The following CNTNAP4 variants were observed in gnomAD, a reference collection of about 807,000 sequenced individuals.
CNTNAP4 encodes the protein contactin associated protein family member 4.
A neutral mutation model predicts 148.4 loss-of-function variants in CNTNAP4; 98 were observed. That is an observed-to-expected ratio of 0.66 (90% CI 0.56 to 0.78). The LOEUF is 0.78. Ranked by LOEUF, CNTNAP4 falls within the 30% of genes least tolerant of loss-of-function variation. The probability of loss-of-function intolerance (pLI) is 0.00; values close to 1 mark genes in which losing one functional copy is unlikely to be tolerated. For synonymous variants in CNTNAP4, 730 were observed against 565.1 expected (o/e 1.29, Z -4.14); for missense variants, 1,935 against 1,565.6 (o/e 1.24, Z -3.98).
chr16:76,461,820 G>A (rs1398183117), intron 8 of CNTNAP4, 136 bp from the exon 9 acceptor site: 5 of 665,254 alleles, frequency 7.5e-6, no homozygotes, highest in Non-Finnish European at 1.2e-5. Flanking sequence ...CCCTTTCCTT[G>A]TTGATGTCAT....
intron 21 of CNTNAP4, among the ~76,000 whole-genome samples, chr16:76,550,309 C>G (rs1470699295): frequency 1.3e-5 from 2 of 152,120 alleles, no homozygotes; most frequent in Non-Finnish European, 2.9e-5. Flanking sequence ...ATGTAAAATA[C>G]TCAAACATCC....
intron 15 of CNTNAP4, among the ~76,000 whole-genome samples, chr16:76,501,117 C>T (rs1358772962): frequency 6.6e-6 from 1 of 152,198 alleles, no homozygotes; most frequent in African/African-American, 2.4e-5. Flanking sequence ...CCATTATACT[C>T]ACCATCTCTG....
Position 76,393,197 on chromosome 16 carries a change from C to G in CNTNAP4, c.391-34255C>G, listed in dbSNP as rs372893085. On this transcript the variant is annotated intron_variant, in intron 3 of 23. Coordinates refer to ENST00000611870, the MANE Select transcript of CNTNAP4 (RefSeq NM_033401.5). ...TTATCTTATGGTTGCTATGGTTATT[C>G]TCAGCCATCGATGATGATTTTACTA... is the stretch of plus-strand genomic sequence containing the variant. Among the ~76,000 whole-genome samples, 3 of 152,108 alleles carry G rather than the reference C, an allele frequency of 2.0e-5. No homozygotes were observed. In the East Asian group the frequency reaches 5.8e-4, roughly 29 times the overall value.
intron 1 of CNTNAP4, chr16:76,316,199 T>A: frequency 1.7e-6 from 1 of 590,632 alleles, no homozygotes; most frequent in Non-Finnish European, 3.0e-6. Context: ...TTATGATTTT[T>A]AAAGTATTTT....
At chr16:76,302,186 A>G (rs527941765) in intron 1 of CNTNAP4, among the ~76,000 whole-genome samples, 1 of 152,268 alleles carries the variant, frequency 6.6e-6, no homozygotes, top group Non-Finnish European at 1.5e-5. Context: ...GCTTCATAGA[A>G]AAAGGAAAAA....
chr16:76,316,028 G>A (rs907973375), intron 1 of CNTNAP4, among the ~76,000 whole-genome samples: 7 of 152,042 alleles, frequency 4.6e-5, no homozygotes, highest in African/African-American at 1.7e-4. Context: ...TGGGTTATAG[G>A]TTTTGCAAGT....
chr16:76,451,627 G>A (rs1260951586), intron 7 of CNTNAP4, among the ~76,000 whole-genome samples: 1 of 151,660 alleles, frequency 6.6e-6, no homozygotes, highest in African/African-American at 2.4e-5. Context: ...GTGTGTGTGT[G>A]TGTGTGTATT....
At chr16:76,315,630 C>T (rs899055390) in intron 1 of CNTNAP4, among the ~76,000 whole-genome samples, 21 of 151,702 alleles carry the variant, frequency 1.4e-4, no homozygotes, top group Non-Finnish European at 2.7e-4. Flanking sequence ...CGTCTTACTC[C>T]GTCACCCAGG....
At chr16:76,553,589 T>C (rs1263576552) in intron 22 of CNTNAP4, 88 bp downstream of exon 22, 3 of 937,332 alleles carry the variant, frequency 3.2e-6, no homozygotes, top group Non-Finnish European at 4.8e-6. Context: ...CAGGCTACCT[T>C]CTCAAGATGG....
At chr16:76,529,756 A>C (rs185161873) in intron 17 of CNTNAP4, among the ~76,000 whole-genome samples, 2 of 152,166 alleles carry the variant, frequency 1.3e-5, no homozygotes, top group African/African-American at 4.8e-5. Context: ...GACTTTTTAG[A>C]GTGAACAATT....
intron 3 of CNTNAP4, among the ~76,000 whole-genome samples, chr16:76,409,391 C>T (rs1473265124): frequency 1.3e-5 from 2 of 151,878 alleles, no homozygotes; most frequent in Admixed American, 6.6e-5. Context: ...AAAGTGACTT[C>T]AGAGGATGCA....
At chr16:76,363,771 T>C (rs1269707248) in intron 3 of CNTNAP4, among the ~76,000 whole-genome samples, 1 of 152,062 alleles carries the variant, frequency 6.6e-6, no homozygotes, top group Non-Finnish European at 1.5e-5. Context: ...GCATTTGGGT[T>C]TTAAATATGA....
At chr16:76,286,419 T>C (rs1958887192) in intron 1 of CNTNAP4, among the ~76,000 whole-genome samples, 1 of 152,146 alleles carries the variant, frequency 6.6e-6, no homozygotes, top group African/African-American at 2.4e-5. Flanking sequence ...AGAGGTCTTC[T>C]TGGCTCTAGT....
rs548712035 is a variant in CNTNAP4, at chr16:76,503,819, G to A, written c.2365+5125G>A. 3.6e-3 allele frequency among the ~76,000 whole-genome samples: 540 copies of A among 151,986 alleles called. 2 individuals are homozygous for A. Among genetic ancestry groups the A allele is most frequent in the African/African-American group, 0.012 (517 of 41,426 alleles). ...TTGCGATAGTTTGCTGAGAATGATG[G>A]TTTCCAAAAGTAAATTGTATTTCTA... On this transcript the variant is annotated intron_variant, in intron 15 of 23. Coordinates refer to ENST00000611870, the MANE Select transcript of CNTNAP4 (RefSeq NM_033401.5).
intron 3 of CNTNAP4, among the ~76,000 whole-genome samples, chr16:76,398,709 C>T (rs2078297872): frequency 6.6e-6 from 1 of 152,086 alleles, no homozygotes; most frequent in South Asian, 2.1e-4. Flanking sequence ...CACATTTGTG[C>T]CAACACATGA....
intron 21 of CNTNAP4, among the ~76,000 whole-genome samples, chr16:76,546,169 A>T (rs73621269): frequency 0.065 from 9,829 of 152,256 alleles, 571 homozygotes; most frequent in East Asian, 0.27. Flanking sequence ...AAAGGAAGGG[A>T]TTGGCTGGGG....
chr16:76,456,373 T>C (rs1279251979), intron 8 of CNTNAP4, among the ~76,000 whole-genome samples: 1 of 152,222 alleles, frequency 6.6e-6, no homozygotes, highest in East Asian at 1.9e-4. Context: ...TTGTAAACCT[T>C]ATCTAGAAGG....
intron 3 of CNTNAP4, among the ~76,000 whole-genome samples, chr16:76,367,155 A>G (rs575835145): frequency 2.0e-5 from 3 of 152,156 alleles, no homozygotes; most frequent in South Asian, 4.1e-4. Flanking sequence ...GGATTTGCAT[A>G]AAATAGATAC....
At chr16:76,325,742 C>G (rs1027500986) in intron 2 of CNTNAP4, among the ~76,000 whole-genome samples, 4 of 151,362 alleles carry the variant, frequency 2.6e-5, no homozygotes, top group East Asian at 1.9e-4. Context: ...ACAAATTAAG[C>G]CAAAAATAAG....
Sources: gnomAD v4.1 joint callset for allele counts (sites outside exome capture counted in the v4.1 genomes callset) on GRCh38, gnomAD v4.1.1 for gene constraint, MANE v1.5 for transcripts, NCBI Gene and HGNC (gene_info 2026-07-23, HGNC 2026-07-21) for gene names.